The following UBN1 variants were observed in gnomAD, a reference collection of about 807,000 sequenced individuals.
UBN1 encodes ubinuclein 1.
UBN1 carries 17 observed loss-of-function variants against 108.5 expected under a neutral mutation model. The observed-to-expected ratio is 0.16, with a 90% CI of 0.11 to 0.24. The LOEUF (loss-of-function observed/expected upper bound fraction) is 0.24, where lower values mean the gene tolerates loss of function less well. Among genes scored for constraint, UBN1 ranks in the 10% least tolerant of loss-of-function variants. The pLI is 1.00. For synonymous variants in UBN1, 726 were observed against 564.2 expected (o/e 1.29, Z -4.07); for missense variants, 1,595 against 1,394.4 (o/e 1.14, Z -2.29).
At position 4,848,223 on chromosome 16, in the gene UBN1, G is replaced by A. The variant is rs2086300427; in HGVS notation, c.-40+13G>A. The A allele has an allele frequency of 6.6e-6, 1 of 152,264 alleles. No individual in the cohort carries two copies. The highest frequency in any genetic ancestry group is 2.4e-5 in the African/African-American group (1 of 41,476). 9.4% of individuals were successfully genotyped at this position (152,264 alleles called of 1,614,324 possible). ...GCTGGGGACAAAGGTGCGTGTCGTT[G>A]TCGGGTCCGGGCTCTCTCGTTAGCC... On this transcript the variant is annotated intron_variant, in intron 1 of 17. Coordinates refer to ENST00000262376, the MANE Select transcript of UBN1 (RefSeq NM_001079514.3).
intron 15 of UBN1, among the ~76,000 whole-genome samples, chr16:4,876,255 G>A (rs2087879663): frequency 6.6e-6 from 1 of 152,112 alleles, no homozygotes; most frequent in Non-Finnish European, 1.5e-5. Context: ...ACTGCACCCG[G>A]CCTCTTTTTC....
Position 4,877,647 on chromosome 16 carries a change from T to C in UBN1, c.3355+173T>C, listed in dbSNP as rs1195454095. 3.0e-6 allele frequency: 4 copies of C among 1,316,178 alleles called. No homozygotes were observed. The highest frequency in any genetic ancestry group is 3.9e-6 in the Non-Finnish European group (4 of 1,034,096). 81.5% of individuals were successfully genotyped at this position (1,316,178 alleles called of 1,614,324 possible). A position where few individuals can be genotyped will look rare whatever the true frequency, so the allele number is the denominator to read the frequency against. On this transcript the variant is annotated intron_variant, in intron 17 of 17. Coordinates refer to ENST00000262376, the MANE Select transcript of UBN1 (RefSeq NM_001079514.3). This position sits in a 1 kb window ranked among gnomAD's most constrained non-coding sequence, Gnocchi z 4.3. ...TACTCAGGGTGACACGCACTTCTAC[T>C]CTTGGGGTTTCCTCTGGTCCCCACT...
At chr16:4,867,767 G>A (rs1040294026) in intron 7 of UBN1, among the ~76,000 whole-genome samples, 2 of 152,046 alleles carry the variant, frequency 1.3e-5, no homozygotes, top group African/African-American at 4.8e-5. Flanking sequence ...AGGTGAGTGG[G>A]GGAGATGATG....
chr16:4,869,506 G>A (rs912156562), intron 8 of UBN1, among the ~76,000 whole-genome samples: 1 of 152,202 alleles, frequency 6.6e-6, no homozygotes, highest in Non-Finnish European at 1.5e-5. Flanking sequence ...TTTTCTCCTG[G>A]TTGCAGTTTG....
At chr16:4,870,162 CA>C (rs1324302954) in intron 8 of UBN1, 49 bp from the exon 9 acceptor site, 1 of 1,610,778 alleles carries the variant, frequency 6.2e-7, no homozygotes, top group Non-Finnish European at 8.5e-7. Context: ...CTGATGAAGA[CA>C]GGAGTTGCAG....
chr16:4,848,634 C>G (rs2086341348), intron 1 of UBN1, among the ~76,000 whole-genome samples: 1 of 152,144 alleles, frequency 6.6e-6, no homozygotes, highest in Admixed American at 6.5e-5. Flanking sequence ...CCTGAAGTAC[C>G]AAGAATTAGC....
At position 4,870,511 on chromosome 16, in the gene UBN1, C is replaced by T. The variant is rs779611629; in HGVS notation, c.1312-5C>T. The T allele has an allele frequency of 2.8e-5, 45 of 1,614,042 alleles. No individual in the cohort carries two copies. The highest frequency in any genetic ancestry group is 1.6e-4 in the Middle Eastern group (1 of 6,084). ...CTGCCTTGAATTGTGTCCCGCTCTT[C>T]GCAGGGGGGCCGTCTGAAGGAGCCT... On this transcript the variant is annotated splice_region_variant and splice_polypyrimidine_tract_variant and intron_variant, in intron 9 of 17. Coordinates refer to ENST00000262376, the MANE Select transcript of UBN1 (RefSeq NM_001079514.3).
At position 4,855,628 on chromosome 16, in the gene UBN1, A is replaced by G. The variant is rs868714594; in HGVS notation, c.250-2362A>G. 2.3e-4 allele frequency among the ~76,000 whole-genome samples: 31 copies of G among 136,588 alleles called. 2 individuals carry two copies. In the South Asian group the frequency reaches 6.6e-3, roughly 29 times the overall value. The allele number at this position is 136,588 out of a possible 152,430, so 89.6% of individuals were successfully genotyped here. On this transcript the variant is annotated intron_variant, in intron 2 of 17. Transcript: ENST00000262376. ...TGTCAAAAAAAAAAAAAAAAAAAAA[A>G]GGCTGGAAGGCCTGGCGCAGTGACT...
In UBN1 at chr16:4,875,260, C is replaced by G. The variant is rs1395643029; in HGVS notation, c.2850C>G (p.Val950=). 6.2e-7 allele frequency: 1 copy of G among 1,614,252 alleles called. No homozygotes were observed. Among genetic ancestry groups the G allele is most frequent in the South Asian group, 1.1e-5 (1 of 91,088 alleles). ...TGGGACAGGCCACCAGCCGACCCGT[C>G]CCAAGTTCAGCAGGGAAAAAAATGC... ...PSVGQATSRP[V]PSSAGKKMPV... is the part of the protein sequence containing the mutation. The change falls in exon 15 of 18, where the codon GTC becomes GTG. Residue 950 remains valine (V), a synonymous_variant. Coordinates refer to ENST00000262376, the MANE Select transcript of UBN1 (RefSeq NM_001079514.3).
Position 4,875,394 on chromosome 16 carries a change from C to T in UBN1, c.2984C>T (p.Pro995Leu), listed in dbSNP as rs1246853180. The T allele has an allele frequency of 3.1e-6, 5 of 1,613,862 alleles. No individual in the cohort carries two copies. The highest frequency in any genetic ancestry group is 1.7e-5 in the Admixed American group (1 of 60,004). ...AKLLTSPSLK[P>L]SAVSSVTSST... ...TTGCTGACCTCGCCGTCCCTAAAGC[C>T]CTCTGCAGTTAGTAGTGTGACATCG... Residue 995 changes from proline to leucine, a missense_variant, in exon 15 of 18, where the codon CCC (proline) becomes CTC (leucine). Pro to Leu is a moderately conservative substitution (Grantham distance 98). Transcript: ENST00000262376.
At chr16:4,856,289 A>G (rs536356810) in intron 2 of UBN1, among the ~76,000 whole-genome samples, 4 of 152,216 alleles carry the variant, frequency 2.6e-5, no homozygotes, top group African/African-American at 9.6e-5. Flanking sequence ...TTTTGATCCA[A>G]TTCAGAGGAT....
At chr16:4,855,606 CAAAA>C (rs36072146) in intron 2 of UBN1, among the ~76,000 whole-genome samples, 24 of 80,198 alleles carry the variant, frequency 3.0e-4, no homozygotes, top group Admixed American at 4.2e-4. Flanking sequence ...GACCCTGTGT[CAAAA>C]AAAAAAAAAA....
At chr16:4,876,729 G>C in intron 15 of UBN1, 142 bp from the exon 16 acceptor site, 1 of 1,306,356 alleles carries the variant, frequency 7.7e-7, no homozygotes, top group South Asian at 1.6e-5. Flanking sequence ...GGGTCGGAGG[G>C]TGCCTCCCAG....
At chr16:4,867,689 G>A (rs756845035) in intron 7 of UBN1, among the ~76,000 whole-genome samples, 1 of 152,140 alleles carries the variant, frequency 6.6e-6, no homozygotes, top group African/African-American at 2.4e-5. Context: ...ATGGAAAGGA[G>A]CTGGTGGAGG....
chr16:4,854,528 T>G (rs1191933386), intron 2 of UBN1, among the ~76,000 whole-genome samples: 134 of 127,768 alleles, frequency 1.0e-3, no homozygotes, highest in African/African-American at 3.9e-3. Context: ...TTTTTTTTTT[T>G]GTATTTTTAG....
chr16:4,850,782 G>C (rs573952972), intron 1 of UBN1, among the ~76,000 whole-genome samples: 6 of 152,136 alleles, frequency 3.9e-5, no homozygotes, highest in Admixed American at 6.5e-5. Context: ...CATGTATGTG[G>C]ATATATACGA....
chr16:4,872,215 T>A (rs1266802575), intron 12 of UBN1: 1 of 985,310 alleles, frequency 1.0e-6, no homozygotes, highest in Admixed American at 6.2e-5. Context: ...AACGTTTTTG[T>A]TGAGTTTCTC....
Position 4,858,946 on chromosome 16 carries a change from C to T in UBN1, c.433-79C>T, listed in dbSNP as rs537027180. ...TGGAAGTGGCAGAGGAGCACAGTCA[C>T]ATCTCTCTCGAGACCCACTTTGCAC... is the stretch of plus-strand genomic sequence containing the variant. On this transcript the variant is annotated intron_variant, in intron 4 of 17. Coordinates refer to ENST00000262376, the MANE Select transcript of UBN1 (RefSeq NM_001079514.3). 2.6e-5 allele frequency: 40 copies of T among 1,544,480 alleles called. 1 individual carries two copies. In the South Asian group the frequency reaches 3.6e-4, roughly 14 times the overall value.
chr16:4,861,446 A>G (rs1258933920), intron 7 of UBN1, among the ~76,000 whole-genome samples: 1 of 152,224 alleles, frequency 6.6e-6, no homozygotes, highest in Non-Finnish European at 1.5e-5. Context: ...GCAGAGATTA[A>G]TCTTAGAATT....
Sources: gnomAD v4.1 joint callset for allele counts (sites outside exome capture counted in the v4.1 genomes callset) on GRCh38, gnomAD v4.1.1 for gene constraint, Gnocchi (gnomAD v3.1) non-coding constraint, MANE v1.5 for transcripts, NCBI Gene and HGNC (gene_info 2026-07-23, HGNC 2026-07-21) for gene names.